The following ADH7 variants were observed in gnomAD, a reference collection of about 807,000 sequenced individuals.
ADH7 encodes alcohol dehydrogenase 7 (class IV), mu or sigma polypeptide.
ADH7 carries 41 observed loss-of-function variants against 34.4 expected under a neutral mutation model. The observed-to-expected ratio is 1.19, with a 90% CI of 0.93 to 1.55. ADH7 has a LOEUF of 1.55. ADH7 is among the 40% of genes most tolerant of loss of function. The pLI is 0.00. For synonymous variants in ADH7, 180 were observed against 160.9 expected (o/e 1.12, Z -0.90); for missense variants, 540 against 461.2 (o/e 1.17, Z -1.56).
intron 1 of ADH7, among the ~76,000 whole-genome samples, chr4:99,430,670 A>G (rs919364957): frequency 9.2e-5 from 14 of 152,350 alleles, no homozygotes; most frequent in African/African-American, 1.7e-4. Flanking sequence ...GCTCAATTTA[A>G]TATTTACCCT....
chr4:99,416,592 A>T (rs936114008), intron 7 of ADH7, among the ~76,000 whole-genome samples: 3 of 151,982 alleles, frequency 2.0e-5, no homozygotes, highest in Non-Finnish European at 4.4e-5. Context: ...CATCTCCCAG[A>T]CCTCTAACTC....
rs1159142697 is a variant in ADH7, at chr4:99,419,096, A to G, written c.851T>C (p.Met284Thr). Reference sequence around the variant, plus strand: ...TACAACCACGCTGGTCCCATAGTTCATGTGGCAGGATGCCAGGGCATCAAT... The same window carrying G: ...TACAACCACGCTGGTCCCATAGTTCGTGTGGCAGGATGCCAGGGCATCAAT... ...TMIDALASCH[M>T]NYGTSVVVGV... is the part of the protein sequence containing the mutation. The change falls in exon 7 of 9, where the codon ATG (methionine) becomes ACG (threonine). Residue 284 changes from methionine (M) to threonine (T), a missense_variant. Coordinates refer to ENST00000437033, the MANE Select transcript of ADH7 (RefSeq NM_000673.7). The G allele has an allele frequency of 1.2e-6, 2 of 1,613,606 alleles. No homozygotes were observed. The highest frequency in any genetic ancestry group is 2.7e-5 in the African/African-American group (2 of 74,916).
At chr4:99,433,093 C>G (rs930409061) in intron 1 of ADH7, among the ~76,000 whole-genome samples, 2 of 152,124 alleles carry the variant, frequency 1.3e-5, no homozygotes, top group Non-Finnish European at 2.9e-5. Flanking sequence ...CATGGTACAT[C>G]AAGATATTTA....
rs780564087 is a variant in ADH7 at position 99,419,031 on chromosome 4, TC to T, written c.915del (p.Met306CysfsTer17). Reference protein sequence around the residue: ...PPSAKMLTYDPMLLFTGRTWK... With the variant: ...PPSAKMLTYDXMLLFTGRTWK... ...CATGTGCGTCCAGTGAAGAGCAACA[TC>T]GGGTCATAGGTGAGCATCTTGGCTG... On this transcript the variant is annotated frameshift_variant, in exon 7 of 9. Coordinates refer to ENST00000437033, the MANE Select transcript of ADH7 (RefSeq NM_000673.7). LOFTEE classifies it high-confidence loss of function. 1 of 1,613,820 alleles carries T rather than the reference TC, an allele frequency of 6.2e-7. No individual in the cohort carries two copies. The highest frequency in any genetic ancestry group is 1.7e-5 in the Admixed American group (1 of 59,946).
At chr4:99,434,556 T>G (rs897889164) in intron 1 of ADH7, among the ~76,000 whole-genome samples, 1 of 152,104 alleles carries the variant, frequency 6.6e-6, no homozygotes, top group Non-Finnish European at 1.5e-5. Flanking sequence ...TAAGGAAATA[T>G]ACTGACCTAT....
At position 99,413,056 on chromosome 4, in the gene ADH7, TG is replaced by T; in HGVS notation, c.*91del. ...CAAATCTTCTACTTATGCTTGTATT[TG>T]TGAGACAGATACATGATTTCAGATG... On this transcript the variant is annotated 3_prime_UTR_variant, in exon 9 of 9. Transcript: ENST00000437033. 7.6e-7 allele frequency: 1 copy of T among 1,314,388 alleles called. No individual in the cohort carries two copies. Among genetic ancestry groups the T allele is most frequent in the Non-Finnish European group, 1.1e-6 (1 of 916,838 alleles). The allele number at this position is 1,314,388 out of a possible 1,614,324, so 81.4% of individuals were successfully genotyped here. A position where few individuals can be genotyped will look rare whatever the true frequency, so the allele number is the denominator to read the frequency against.
At chr4:99,433,600 A>G (rs1159710173) in intron 1 of ADH7, among the ~76,000 whole-genome samples, 1 of 152,134 alleles carries the variant, frequency 6.6e-6, no homozygotes, top group East Asian at 1.9e-4. Context: ...GTCTTTCAAG[A>G]AGTAATTAAT....
At chr4:99,424,317 C>A (rs370013909) in intron 5 of ADH7, among the ~76,000 whole-genome samples, 1 of 152,160 alleles carries the variant, frequency 6.6e-6, no homozygotes, top group Admixed American at 6.6e-5. Context: ...TAGCGTGATG[C>A]CTCCAGCTTT....
At chr4:99,421,547 C>G (rs1484669066) in intron 5 of ADH7, among the ~76,000 whole-genome samples, 1 of 152,084 alleles carries the variant, frequency 6.6e-6, no homozygotes, top group Non-Finnish European at 1.5e-5. Context: ...CCATAAAAAC[C>G]CTAGAAGAAA....
chr4:99,429,253 A>G (rs993817397), intron 2 of ADH7, among the ~76,000 whole-genome samples: 6 of 152,226 alleles, frequency 3.9e-5, no homozygotes, highest in African/African-American at 1.4e-4. Flanking sequence ...AGCTATGATT[A>G]TTAACCATTT....
chr4:99,427,692 TCCAA>T, intron 5 of ADH7, 77 bp downstream of exon 5: 1 of 1,105,034 alleles, frequency 9.0e-7, no homozygotes, highest in Middle Eastern at 2.1e-4. Context: ...TTTTTTTTTT[TCCAA>T]AACTCTTCAA....
chr4:99,415,328 G>T, intron 8 of ADH7, 150 bp downstream of exon 8: 5 of 817,670 alleles, frequency 6.1e-6, no homozygotes, highest in Non-Finnish European at 9.8e-6. Flanking sequence ...ATACACTAAT[G>T]CAGTGGGTAA....
chr4:99,428,402 C>T lies in ADH7; in HGVS notation c.259+90G>A, dbSNP rs1721862991. 7 of 1,428,736 alleles carry T rather than the reference C, an allele frequency of 4.9e-6. No homozygotes were observed. The South Asian group carries it at 9.4e-5, about 19-fold the overall frequency. 88.5% of individuals were successfully genotyped at this position (1,428,736 alleles called of 1,614,324 possible). On this transcript the variant is annotated intron_variant, in intron 3 of 8. Coordinates refer to ENST00000437033, the MANE Select transcript of ADH7 (RefSeq NM_000673.7). ...AATTCCCTGAATTGTGTTAAGGATC[C>T]CTCTAATAATTCCTAGTGTGTGCTA...
chr4:99,431,563 A>G (rs1367200002), intron 1 of ADH7, among the ~76,000 whole-genome samples: 1 of 152,176 alleles, frequency 6.6e-6, no homozygotes, highest in East Asian at 1.9e-4. Flanking sequence ...ATATTTGCAA[A>G]CTATGCATCT....
At chr4:99,434,855 G>A (rs4147549) in intron 1 of ADH7, among the ~76,000 whole-genome samples, 8,447 of 152,146 alleles carry the variant, frequency 0.056, 468 homozygotes, top group African/African-American at 0.14. Flanking sequence ...CTACTGCAGC[G>A]AGTGCAGCAC....
chr4:99,433,843 A>G (rs910211977), intron 1 of ADH7, among the ~76,000 whole-genome samples: 1 of 152,148 alleles, frequency 6.6e-6, no homozygotes, highest in Non-Finnish European at 1.5e-5. Flanking sequence ...AGTCTGTGAT[A>G]TTTTGTTATG....
At chr4:99,418,145 A>G (rs1158441123) in intron 7 of ADH7, among the ~76,000 whole-genome samples, 1 of 152,222 alleles carries the variant, frequency 6.6e-6, no homozygotes, top group Admixed American at 6.6e-5. Context: ...AAAACTTTTA[A>G]CATAGAATAA....
At chr4:99,424,016 A>G (rs1406105274) in intron 5 of ADH7, among the ~76,000 whole-genome samples, 1 of 151,550 alleles carries the variant, frequency 6.6e-6, no homozygotes, top group Non-Finnish European at 1.5e-5. Flanking sequence ...TTTTAGGTCT[A>G]ATGTTTAAGT....
chr4:99,429,395 A>T, intron 2 of ADH7, 137 bp downstream of exon 2: 1 of 602,346 alleles, frequency 1.7e-6, no homozygotes, highest in East Asian at 2.8e-5. Context: ...TTAACAATAT[A>T]TAAGAGCCAG....
Sources: allele counts gnomAD v4.1 joint callset (sites outside exome capture counted in the v4.1 genomes callset), GRCh38; gene constraint gnomAD v4.1.1; transcripts MANE v1.5; gene names NCBI Gene and HGNC (gene_info 2026-07-23, HGNC 2026-07-21).